FBXL17: variants seen among roughly 807,000 people sequenced by gnomAD.
The protein encoded by FBXL17 is F-box/LRR-repeat protein 17.
Under a neutral mutation model 66.2 loss-of-function variants are expected in FBXL17, and 22 were observed. That is an observed-to-expected ratio of 0.33 (90% CI 0.24 to 0.47). FBXL17 has a LOEUF of 0.47. FBXL17 is among the 20% of genes least tolerant of loss of function. The pLI, the probability that FBXL17 is intolerant of heterozygous loss-of-function variation, is 1.00. For missense variants in FBXL17, 878 were observed against 948.2 expected (o/e 0.93, Z 0.97); for synonymous variants, 474 against 400.5 (o/e 1.18, Z -2.19).
At chr5:108,357,374 A>G (rs538381363) in intron 3 of FBXL17, among the ~76,000 whole-genome samples, 14 of 152,186 alleles carry the variant, frequency 9.2e-5, no homozygotes, top group African/African-American at 1.4e-4. Flanking sequence ...GGAAAAATGA[A>G]TAACTTCACT....
At chr5:108,262,224 C>T (rs1756866152) in intron 4 of FBXL17, among the ~76,000 whole-genome samples, 1 of 151,482 alleles carries the variant, frequency 6.6e-6, no homozygotes, top group South Asian at 2.1e-4. Flanking sequence ...CTACAGGTGC[C>T]CACCACCACG....
intron 4 of FBXL17, among the ~76,000 whole-genome samples, chr5:108,336,297 A>T (rs1227926759): frequency 6.6e-6 from 1 of 152,194 alleles, no homozygotes; most frequent in East Asian, 1.9e-4. Context: ...TGCCTGATGC[A>T]TTTTATTGGT....
At position 107,881,119 on chromosome 5, in the gene FBXL17, T is replaced by G; in HGVS notation, c.1883A>C (p.Lys628Thr). 2 of 1,614,006 alleles carry G rather than the reference T, an allele frequency of 1.2e-6. No individual in the cohort carries two copies. Among genetic ancestry groups the G allele is most frequent in the Middle Eastern group, 3.3e-4 (2 of 6,060 alleles). The change falls in exon 8 of 9, where the codon AAA (lysine) becomes ACA (threonine). Residue 628 changes from lysine (K) to threonine (T), a missense_variant. Coordinates refer to ENST00000542267, the MANE Select transcript of FBXL17 (RefSeq NM_001163315.3). ...GGTGGCTCCTTGGTCTGTGATTTCT[T>G]TACACCATCCGACATCCACAGTCTC... Reference protein sequence around the residue: ...TIETVDVGWCKEITDQGATLI... With the variant: ...TIETVDVGWCTEITDQGATLI...
chr5:107,872,516 C>T (rs1748489786), intron 8 of FBXL17, among the ~76,000 whole-genome samples: 2 of 152,196 alleles, frequency 1.3e-5, no homozygotes, highest in African/African-American at 4.8e-5. Flanking sequence ...AATGGGGCTG[C>T]TCTGGTTGAA....
At chr5:107,872,785 A>G (rs1416898094) in intron 8 of FBXL17, among the ~76,000 whole-genome samples, 1 of 152,198 alleles carries the variant, frequency 6.6e-6, no homozygotes, top group Non-Finnish European at 1.5e-5. Context: ...AATTCACTCA[A>G]CTCTCTCAAT....
At chr5:108,237,627 G>A (rs1444251330) in intron 4 of FBXL17, among the ~76,000 whole-genome samples, 1 of 152,142 alleles carries the variant, frequency 6.6e-6, no homozygotes, top group Non-Finnish European at 1.5e-5. Flanking sequence ...TTCATTAAGG[G>A]CTTTAAGTGC....
At chr5:107,964,185 C>T (rs1464541581) in intron 7 of FBXL17, among the ~76,000 whole-genome samples, 1 of 152,080 alleles carries the variant, frequency 6.6e-6, no homozygotes, top group Admixed American at 6.6e-5. Flanking sequence ...ACCAAAGGTT[C>T]CCATTTTCTT....
intron 4 of FBXL17, among the ~76,000 whole-genome samples, chr5:108,327,774 G>A (rs1176439080): frequency 1.3e-5 from 2 of 152,078 alleles, no homozygotes; most frequent in Non-Finnish European, 2.9e-5. Flanking sequence ...TACCAACAAA[G>A]CTCTGGCAAT....
In FBXL17 at chr5:108,381,663, C is replaced by T. The variant is rs891296042; in HGVS notation, c.29G>A (p.Arg10His). 2.7e-6 allele frequency: 4 copies of T among 1,473,992 alleles called. No homozygotes were observed. The highest frequency in any genetic ancestry group is 1.5e-5 in the African/African-American group (1 of 68,308). The allele number at this position is 1,473,992 out of a possible 1,614,324, so 91.3% of individuals were successfully genotyped here. Reference protein sequence around the residue: MGHLLSKEPRNRPSQKRPRC... With the variant: MGHLLSKEPHNRPSQKRPRC... ...AGGCCTCTTCTGGCTCGGGCGGTTA[C>T]GCGGCTCCTTCGAGAGAAGGTGGCC... is the stretch of plus-strand genomic sequence containing the variant. The change falls in exon 1 of 9, where the codon CGT becomes CAT. Residue 10 changes from arginine (R) to histidine (H), a missense_variant. By Grantham distance (29) the Arg-to-His change is conservative. Transcript: ENST00000542267.
chr5:108,354,643 A>T (rs1747853353), intron 3 of FBXL17, among the ~76,000 whole-genome samples: 1 of 151,938 alleles, frequency 6.6e-6, no homozygotes, highest in Admixed American at 6.6e-5. Context: ...TTCAGAGAAT[A>T]CCATGAAGGA....
At chr5:107,941,124 A>G (rs1751078919) in intron 7 of FBXL17, among the ~76,000 whole-genome samples, 1 of 152,076 alleles carries the variant, frequency 6.6e-6, no homozygotes, top group South Asian at 2.1e-4. Context: ...AGTGAAAAAA[A>G]AAAAACCCCA....
intron 7 of FBXL17, among the ~76,000 whole-genome samples, chr5:108,012,628 T>A (rs1250816655): frequency 6.6e-6 from 1 of 152,224 alleles, no homozygotes; most frequent in Non-Finnish European, 1.5e-5. Context: ...AGACACTGAC[T>A]TAATACTGAA....
intron 7 of FBXL17, among the ~76,000 whole-genome samples, chr5:107,904,105 T>A (rs972838236): frequency 1.1e-4 from 16 of 152,196 alleles, no homozygotes; most frequent in African/African-American, 3.6e-4. Flanking sequence ...TCCAGAGCTC[T>A]CCACTGCATT....
intron 7 of FBXL17, among the ~76,000 whole-genome samples, chr5:107,889,460 T>C (rs990445873): frequency 2.6e-5 from 4 of 152,178 alleles, no homozygotes; most frequent in Non-Finnish European, 5.9e-5. Flanking sequence ...GTAGATAACA[T>C]TAGAGACTAA....
chr5:108,187,857 C>T (rs1028828264), intron 5 of FBXL17, among the ~76,000 whole-genome samples: 6 of 152,094 alleles, frequency 3.9e-5, no homozygotes, highest in South Asian at 4.1e-4. Flanking sequence ...TTTTAAGTTG[C>T]TAAGCATGTG....
chr5:107,920,047 C>G (rs1314636270), intron 7 of FBXL17, among the ~76,000 whole-genome samples: 2 of 152,168 alleles, frequency 1.3e-5, no homozygotes. Context: ...AAAATGCATA[C>G]TTAAAACTTA....
chr5:107,929,863 A>C, intron 7 of FBXL17, among the ~76,000 whole-genome samples: 1 of 151,906 alleles, frequency 6.6e-6, no homozygotes, highest in East Asian at 1.9e-4. Flanking sequence ...TAGCAATTGC[A>C]AAATTTTTAT....
In FBXL17 at chr5:108,078,911, A is replaced by G. The variant is rs989250948; in HGVS notation, c.1746-57910T>C. Among the ~76,000 whole-genome samples the G allele has an allele frequency of 4.9e-4, 75 of 152,084 alleles. 2 individuals are homozygous for G. The highest frequency in any genetic ancestry group is 1.8e-3 in the African/African-American group (74 of 41,472). On this transcript the variant is annotated intron_variant, in intron 6 of 8. Coordinates refer to ENST00000542267, the MANE Select transcript of FBXL17 (RefSeq NM_001163315.3). ...TGTATGCCTTTTCTCTTATTTGTTC[A>G]TTTACTTATTACTAGAGATGGATCA...
At chr5:107,945,077 T>C (rs1042421074) in intron 7 of FBXL17, among the ~76,000 whole-genome samples, 16 of 151,766 alleles carry the variant, frequency 1.1e-4, no homozygotes, top group Non-Finnish European at 1.6e-4. Flanking sequence ...TAGAAAAAAA[T>C]TGAATCTTCT....
Sources: gnomAD v4.1 joint callset for allele counts (sites outside exome capture counted in the v4.1 genomes callset) on GRCh38, gnomAD v4.1.1 for gene constraint, MANE v1.5 for transcripts, NCBI Gene and HGNC (gene_info 2026-07-23, HGNC 2026-07-21) for gene names.